Variants in NAA25 observed in about 807,000 individuals in gnomAD.
The protein encoded by NAA25 is N-alpha-acetyltransferase 25, NatB auxiliary subunit, also known as N-terminal acetyltransferase B complex subunit NAA25.
Under a neutral mutation model 132.5 loss-of-function variants are expected in NAA25, and 30 were observed. The observed-to-expected ratio is 0.23, with a 90% confidence interval of 0.17 to 0.31. The LOEUF is 0.31. NAA25 is among the 10% of genes least tolerant of loss of function. The pLI is 1.00. For missense variants in NAA25, 771 were observed against 1,150.4 expected (o/e 0.67, Z 4.77); for synonymous variants, 359 against 401.9 (o/e 0.89, Z 1.28).
At chr12:112,072,703 C>T (rs1028334745) in intron 9 of NAA25, among the ~76,000 whole-genome samples, 1 of 151,846 alleles carries the variant, frequency 6.6e-6, no homozygotes, top group Non-Finnish European at 1.5e-5. Flanking sequence ...CTTTGGGATG[C>T]TGAGGTGGGA....
intron 13 of NAA25, 121 bp from the exon 14 acceptor site, chr12:112,054,689 G>T: frequency 1.0e-6 from 1 of 955,894 alleles, no homozygotes; most frequent in South Asian, 1.8e-5. Context: ...AAATGACAGA[G>T]AACAAATTTT....
chr12:112,100,578 C>T (rs1249100734), intron 1 of NAA25, among the ~76,000 whole-genome samples: 1 of 150,442 alleles, frequency 6.6e-6, no homozygotes, highest in African/African-American at 2.4e-5. Flanking sequence ...CATCCACTGT[C>T]CTTTTCTTTC....
In NAA25 at chr12:112,049,561, C is replaced by T. The variant is rs1335696200; in HGVS notation, c.1729-1118G>A. 8.1e-6 allele frequency: 8 copies of T among 985,728 alleles called. No individual in the cohort carries two copies. The highest frequency in any genetic ancestry group is 4.7e-5 in the South Asian group (1 of 21,286). 61.1% of individuals were successfully genotyped at this position (985,728 alleles called of 1,614,324 possible). On this transcript the variant is annotated intron_variant, in intron 15 of 23. Transcript: ENST00000261745. This position sits in a 1 kb window ranked among gnomAD's most constrained non-coding sequence, Gnocchi z 4.7. ...GGCGCTAATTCAACTGCATTCGATG[C>T]GGCTTTTAAACCCCCATGGGACACC... is the stretch of plus-strand genomic sequence containing the variant.
chr12:112,063,901 T>C (rs962019094), intron 11 of NAA25: 10 of 152,184 alleles, frequency 6.6e-5, no homozygotes, highest in African/African-American at 2.4e-4. Flanking sequence ...TTTTATACAG[T>C]ACATGTATTT....
intron 15 of NAA25, among the ~76,000 whole-genome samples, 168 bp downstream of exon 15, chr12:112,053,390 C>T (rs2078495427): frequency 6.6e-6 from 1 of 152,162 alleles, no homozygotes; most frequent in Non-Finnish European, 1.5e-5. Flanking sequence ...ACACAAATAA[C>T]TCTCTACCTC....
At chr12:112,089,042 A>C (rs189915003) in intron 3 of NAA25, among the ~76,000 whole-genome samples, 18 of 152,306 alleles carry the variant, frequency 1.2e-4, no homozygotes, top group Admixed American at 5.9e-4. Flanking sequence ...CCCTAAATCA[A>C]CACAATCTGT....
chr12:112,098,505 A>G (rs1407167899), intron 1 of NAA25, among the ~76,000 whole-genome samples: 1 of 152,214 alleles, frequency 6.6e-6, no homozygotes, highest in Non-Finnish European at 1.5e-5. Context: ...AATAAAAACG[A>G]TATCCTAAAT....
At chr12:112,095,594 CA>C (rs1309154569) in intron 1 of NAA25, among the ~76,000 whole-genome samples, 139 of 51,692 alleles carry the variant, frequency 2.7e-3, no homozygotes, top group African/African-American at 9.6e-3. Context: ...GACCTTGTCT[CA>C]AAAAAAAAAC....
At chr12:112,095,229 A>G (rs2079194297) in intron 1 of NAA25, among the ~76,000 whole-genome samples, 1 of 151,882 alleles carries the variant, frequency 6.6e-6, no homozygotes, top group Non-Finnish European at 1.5e-5. Flanking sequence ...CGAGGTCAGG[A>G]GATTGAGACC....
chr12:112,103,929 C>A (rs11066164), intron 1 of NAA25, among the ~76,000 whole-genome samples: 1 of 152,172 alleles, frequency 6.6e-6, no homozygotes, highest in Non-Finnish European at 1.5e-5. Flanking sequence ...GGAGGCGGGG[C>A]TCAGGCAGTA....
chr12:112,058,967 G>A (rs1006852996), intron 13 of NAA25, among the ~76,000 whole-genome samples: 2 of 151,286 alleles, frequency 1.3e-5, no homozygotes, highest in African/African-American at 2.4e-5. Context: ...CCAGCTACTC[G>A]GGAGGCTGAG....
At chr12:112,090,700 A>G in intron 3 of NAA25, 26 bp downstream of exon 3, 1 of 1,593,544 alleles carries the variant, frequency 6.3e-7, no homozygotes, top group Non-Finnish European at 8.5e-7. Context: ...CTCAAGTTTA[A>G]AAACAATGAA....
At chr12:112,057,782 A>G (rs939953558) in intron 13 of NAA25, among the ~76,000 whole-genome samples, 4 of 152,144 alleles carry the variant, frequency 2.6e-5, no homozygotes, top group Non-Finnish European at 4.4e-5. Context: ...CGAGGTCAAG[A>G]GATCCTGGCC....
At chr12:112,058,408 C>T (rs1593777074) in intron 13 of NAA25, among the ~76,000 whole-genome samples, 1 of 152,198 alleles carries the variant, frequency 6.6e-6, no homozygotes, top group African/African-American at 2.4e-5. Flanking sequence ...GATGTGGGCA[C>T]AGGCCAGATT....
At chr12:112,053,374 T>C (rs920403857) in intron 15 of NAA25, among the ~76,000 whole-genome samples, 184 bp downstream of exon 15, 4 of 152,184 alleles carry the variant, frequency 2.6e-5, no homozygotes, top group Admixed American at 2.6e-4. Context: ...ACGCCCATTC[T>C]AACAAACACA....
At chr12:112,065,497 C>CA (rs78423050) in intron 11 of NAA25, 1,171 of 114,710 alleles carry the variant, frequency 0.01, 10 homozygotes, top group African/African-American at 0.028. Context: ...GAAACTGTCT[C>CA]AAAAAAAAAA....
At position 112,075,751 on chromosome 12, in the gene NAA25, A is replaced by G; in HGVS notation, c.703T>C (p.Cys235Arg). 1 of 1,614,070 alleles carries G rather than the reference A, an allele frequency of 6.2e-7. No individual in the cohort carries two copies. The highest frequency in any genetic ancestry group is 8.5e-7 in the Non-Finnish European group (1 of 1,179,954). ...TSEIQSRENK[C>R]MAMYKKLSRW... ...CTCAGCTTCTTGTACATAGCCATGCATTTATTTTCCCGACTCTGAATCTCA... is the reference window on the plus strand; with the variant it reads ...CTCAGCTTCTTGTACATAGCCATGCGTTTATTTTCCCGACTCTGAATCTCA... Residue 235 changes from cysteine to arginine, a missense_variant, in exon 8 of 24, where the codon TGC becomes CGC. By Grantham distance (180) the Cys-to-Arg change is radical. Coordinates refer to ENST00000261745, the MANE Select transcript of NAA25 (RefSeq NM_024953.4).
chr12:112,094,043 T>A (rs1315078979), intron 1 of NAA25, among the ~76,000 whole-genome samples: 1 of 151,756 alleles, frequency 6.6e-6, no homozygotes, highest in Non-Finnish European at 1.5e-5. Context: ...ATCGAGACCA[T>A]CCTGGCTAAC....
At chr12:112,076,891 G>C (rs548307857) in intron 7 of NAA25, among the ~76,000 whole-genome samples, 1 of 152,160 alleles carries the variant, frequency 6.6e-6, no homozygotes, top group Admixed American at 6.6e-5. Flanking sequence ...AACTATTTAG[G>C]AGGCTGTGGT....
Sources: gnomAD v4.1 joint callset for allele counts (sites outside exome capture counted in the v4.1 genomes callset) on GRCh38, gnomAD v4.1.1 for gene constraint, Gnocchi (gnomAD v3.1) non-coding constraint, MANE v1.5 for transcripts, NCBI Gene and HGNC (gene_info 2026-07-23, HGNC 2026-07-21) for gene names.